Variants in HIVEP2 observed in about 807,000 individuals in gnomAD.
HIVEP2 encodes HIVEP zinc finger 2, also known as transcription factor HIVEP2.
A neutral mutation model predicts 180.7 loss-of-function variants in HIVEP2; 14 were observed. That is an observed-to-expected ratio of 0.08 (90% CI 0.05 to 0.12). HIVEP2 has a LOEUF of 0.12. HIVEP2 is among the 10% of genes least tolerant of loss of function. The probability of loss-of-function intolerance (pLI) is 1.00; values close to 1 mark genes in which losing one functional copy is unlikely to be tolerated. For synonymous variants in HIVEP2, 1,184 were observed against 1,136.4 expected (o/e 1.04, Z -0.84); for missense variants, 2,579 against 3,008.5 (o/e 0.86, Z 3.34).
At chr6:142,803,909 CT>C (rs1562241436) in intron 2 of HIVEP2, among the ~76,000 whole-genome samples, 1 of 152,158 alleles carries the variant, frequency 6.6e-6, no homozygotes, top group African/African-American at 2.4e-5. Context: ...ACCAAATCAT[CT>C]CATTTTCATA....
intron 1 of HIVEP2, among the ~76,000 whole-genome samples, chr6:142,857,095 T>A (rs1305155553): frequency 6.6e-6 from 1 of 151,982 alleles, no homozygotes; most frequent in East Asian, 1.9e-4. Context: ...GGAAACAACA[T>A]CTCTGTAACC....
chr6:142,873,555 CAATT>C (rs560329233), intron 1 of HIVEP2, among the ~76,000 whole-genome samples: 14 of 152,118 alleles, frequency 9.2e-5, no homozygotes, highest in Admixed American at 2.6e-4. Flanking sequence ...TATTTGAAAA[CAATT>C]AATCCATGAA....
intron 2 of HIVEP2, among the ~76,000 whole-genome samples, chr6:142,784,127 AG>A (rs1337766117): frequency 2.6e-5 from 4 of 152,230 alleles, no homozygotes; most frequent in African/African-American, 9.6e-5. Context: ...TAATGAAGAA[AG>A]GAACTTTTCA....
In HIVEP2 at chr6:142,760,080, A is replaced by G; in HGVS notation, c.6208T>C (p.Leu2070=). 1 of 1,613,894 alleles carries G rather than the reference A, an allele frequency of 6.2e-7. No homozygotes were observed. Among genetic ancestry groups the G allele is most frequent in the Non-Finnish European group, 8.5e-7 (1 of 1,179,812 alleles). The part of the protein sequence containing the change: ...PKRYLIPKGD[L]SPRRHLSPRR... ...GGTGATAAATGTCTCCTGGGAGATA[A>G]ATCTCCTTTGGGTATCAGATACCTC... is the stretch of plus-strand genomic sequence containing the variant. Residue 2070 remains leucine, a synonymous_variant, in exon 9 of 10, where the codon TTA becomes CTA. Coordinates refer to ENST00000367603, the MANE Select transcript of HIVEP2 (RefSeq NM_006734.4).
intron 1 of HIVEP2, among the ~76,000 whole-genome samples, chr6:142,870,360 G>A (rs1342845482): frequency 6.6e-6 from 1 of 152,122 alleles, no homozygotes; most frequent in Non-Finnish European, 1.5e-5. Context: ...GGTGTTGTTG[G>A]GAGGATTAAA....
intron 2 of HIVEP2, among the ~76,000 whole-genome samples, chr6:142,812,702 T>G (rs1333023295): frequency 6.6e-6 from 1 of 152,162 alleles, no homozygotes; most frequent in Non-Finnish European, 1.5e-5. Context: ...AAGACAGTTT[T>G]TTAAAAACTG....
chr6:142,912,387 C>G (rs1720895177), intron 1 of HIVEP2, among the ~76,000 whole-genome samples: 1 of 152,220 alleles, frequency 6.6e-6, no homozygotes. Context: ...TCAAGCCCCT[C>G]TAGTAGAATT....
intron 3 of HIVEP2, among the ~76,000 whole-genome samples, chr6:142,777,051 C>T (rs1277279770): frequency 1.3e-5 from 2 of 152,154 alleles, no homozygotes; most frequent in Admixed American, 6.5e-5. Flanking sequence ...ATTCTGAGAA[C>T]TTCAATGATA....
chr6:142,789,276 G>C (rs1776081276), intron 2 of HIVEP2, among the ~76,000 whole-genome samples: 1 of 152,158 alleles, frequency 6.6e-6, no homozygotes, highest in Non-Finnish European at 1.5e-5. Flanking sequence ...GTGTTCTCCA[G>C]TCATTCTGCA....
chr6:142,789,626 A>C (rs1776089812), intron 2 of HIVEP2, among the ~76,000 whole-genome samples: 1 of 152,246 alleles, frequency 6.6e-6, no homozygotes, highest in Admixed American at 6.5e-5. Context: ...AGGGACCCAC[A>C]GCTCATTATG....
intron 1 of HIVEP2, among the ~76,000 whole-genome samples, chr6:142,863,222 C>A (rs1203283326): frequency 6.7e-6 from 1 of 150,192 alleles, no homozygotes; most frequent in Non-Finnish European, 1.5e-5. Flanking sequence ...CCAGAGTACA[C>A]CACAAAATTT....
At chr6:142,906,172 C>G (rs1777260019) in intron 1 of HIVEP2, among the ~76,000 whole-genome samples, 1 of 152,076 alleles carries the variant, frequency 6.6e-6, no homozygotes, top group African/African-American at 2.4e-5. Context: ...GAGAACAACA[C>G]TATCTTTATC....
At chr6:142,776,352 A>G (rs1450149265) in intron 3 of HIVEP2, among the ~76,000 whole-genome samples, 161 bp from the exon 4 acceptor site, 1 of 152,222 alleles carries the variant, frequency 6.6e-6, no homozygotes, top group Non-Finnish European at 1.5e-5. Context: ...GCATTACACC[A>G]GAAGAGTAAA....
At chr6:142,833,577 T>C (rs1775149685) in intron 2 of HIVEP2, among the ~76,000 whole-genome samples, 1 of 152,216 alleles carries the variant, frequency 6.6e-6, no homozygotes, top group Non-Finnish European at 1.5e-5. Context: ...TAATACTTAC[T>C]GATGGAATGA....
Position 142,773,107 on chromosome 6 carries a change from G to C in HIVEP2, c.1632C>G (p.Asn544Lys), listed in dbSNP as rs372687984. Residue 544 changes from asparagine to lysine, a missense_variant, in exon 5 of 10, where the codon AAC becomes AAG. By Grantham distance (94) the Asn-to-Lys change is moderately conservative. Around this residue, in one of 11 missense-constraint regions of HIVEP2, gnomAD observed 524 missense variants for 563.6 expected, o/e 0.93. Coordinates refer to ENST00000367603, the MANE Select transcript of HIVEP2 (RefSeq NM_006734.4). ...PVDSSPLIRS[N>K]SVPTSSATNL... ...TAGTTGCTGAAGAAGTTGGCACTGA[G>C]TTGCTTCTAATAAGGGGTGAAGAGT... 3 of 1,614,118 alleles carry C rather than the reference G, an allele frequency of 1.9e-6. No homozygotes were observed. The highest frequency in any genetic ancestry group is 2.5e-6 in the Non-Finnish European group (3 of 1,180,050).
intron 4 of HIVEP2, among the ~76,000 whole-genome samples, chr6:142,775,838 A>AT (rs1228939891): frequency 6.6e-6 from 1 of 151,182 alleles, no homozygotes; most frequent in Non-Finnish European, 1.5e-5. Flanking sequence ...CATCTCAAAA[A>AT]AAAACCATAT....
chr6:142,786,582 C>T (rs762355743), intron 2 of HIVEP2, among the ~76,000 whole-genome samples: 2 of 152,170 alleles, frequency 1.3e-5, no homozygotes, highest in South Asian at 2.1e-4. Context: ...AGTGGTTTCT[C>T]AGCCTTCCCA....
intron 1 of HIVEP2, among the ~76,000 whole-genome samples, chr6:142,918,342 A>G (rs960882337): frequency 1.3e-5 from 2 of 152,176 alleles, no homozygotes; most frequent in Non-Finnish European, 2.9e-5. Context: ...CATCGCTCAC[A>G]GCCCTATTTA....
intron 2 of HIVEP2, among the ~76,000 whole-genome samples, chr6:142,818,766 A>AAAGG (rs1776936149): frequency 6.8e-6 from 1 of 147,766 alleles, no homozygotes; most frequent in African/African-American, 2.6e-5. Flanking sequence ...AGAAAGAAAG[A>AAAGG]AAGAAAGAAA....
Sources: allele counts gnomAD v4.1 joint callset (sites outside exome capture counted in the v4.1 genomes callset), GRCh38; gene constraint gnomAD v4.1.1; regional missense constraint gnomAD v4.1.1; transcripts MANE v1.5; gene names NCBI Gene and HGNC (gene_info 2026-07-23, HGNC 2026-07-21).